The following ENOX2 variants were observed in gnomAD, a reference collection of about 807,000 sequenced individuals.
ENOX2 encodes ecto-NOX disulfide-thiol exchanger 2, also known as APK1 antigen.
In ENOX2, 36 loss-of-function variants were observed where a neutral mutation model predicts 45.0. That is an observed-to-expected ratio of 0.80 (90% CI 0.61 to 1.06). ENOX2 has a LOEUF of 1.06. ENOX2 is among the 50% of genes least tolerant of loss of function. The probability of loss-of-function intolerance (pLI) is 0.00; values close to 1 mark genes in which losing one functional copy is unlikely to be tolerated. For missense variants in ENOX2, 423 were observed against 462.5 expected (o/e 0.91, Z 0.78); for synonymous variants, 174 against 152.3 (o/e 1.14, Z -1.05).
chrX:130,825,367 CG>C (rs760144510), intron 2 of ENOX2, among the ~76,000 whole-genome samples: 4 of 110,949 alleles, frequency 3.6e-5, no homozygotes, highest in African/African-American at 1.3e-4. Context: ...ACACCAACTT[CG>C]GGGGGGTACT....
chrX:130,635,678 T>A (rs1486467593), intron 11 of ENOX2, among the ~76,000 whole-genome samples: 1 of 112,147 alleles, frequency 8.9e-6, no homozygotes, highest in South Asian at 3.8e-4. Flanking sequence ...GTTACTATTA[T>A]CCCTAAGGCT....
chrX:130,647,703 T>A lies in ENOX2; in HGVS notation c.1129+8878A>T, dbSNP rs183932117. 4.3e-3 allele frequency among the ~76,000 whole-genome samples: 481 copies of A among 112,286 alleles called. 3 individuals carry two copies. Among genetic ancestry groups the A allele is most frequent in the African/African-American group, 0.014 (439 of 30,964 alleles). The stretch of plus-strand genomic sequence containing the variant: ...TGAGCAAGGTCTTTTTTATTTATTT[T>A]TTTTTGTTGAAATTATTGACCTGGG... On this transcript the variant is annotated intron_variant, in intron 10 of 14. Coordinates refer to ENST00000394363, the MANE Select transcript of ENOX2 (RefSeq NM_006375.4).
intron 10 of ENOX2, among the ~76,000 whole-genome samples, chrX:130,639,928 C>T (rs755631820): frequency 1.6e-4 from 18 of 111,810 alleles, no homozygotes; most frequent in African/African-American, 5.5e-4. Context: ...AACCAAATAC[C>T]ACAAACTGGG....
chrX:130,689,020 TA>T lies in ENOX2; in HGVS notation c.98-3del. On this transcript the variant is annotated splice_polypyrimidine_tract_variant and splice_region_variant and intron_variant, in intron 4 of 14. Transcript: ENST00000394363. Reference sequence around the variant, plus strand: ...TCATTCCAAGAGCAGGATCAAAGTCTAAAAAAGGAGAAGAGAGAACAATAAA... The same window carrying T: ...TCATTCCAAGAGCAGGATCAAAGTCTAAAAAGGAGAAGAGAGAACAATAAA... The T allele has an allele frequency of 5.0e-6, 6 of 1,199,849 alleles. No individual in the cohort carries two copies. The highest frequency in any genetic ancestry group is 6.8e-6 in the Non-Finnish European group (6 of 887,578).
chrX:130,633,652 C>T (rs1338009486), intron 12 of ENOX2, among the ~76,000 whole-genome samples: 2 of 112,298 alleles, frequency 1.8e-5, no homozygotes, highest in Non-Finnish European at 3.8e-5. Flanking sequence ...AAGCAGAAAG[C>T]TACTTACACA....
intron 2 of ENOX2, among the ~76,000 whole-genome samples, chrX:130,872,926 C>A (rs745915931): frequency 8.9e-6 from 1 of 111,851 alleles, no homozygotes; most frequent in Admixed American, 9.5e-5. Context: ...AATGTAAGAC[C>A]TAAAACCATA....
intron 2 of ENOX2, among the ~76,000 whole-genome samples, chrX:130,791,801 T>A (rs1391511884): frequency 8.9e-6 from 1 of 111,741 alleles, no homozygotes; most frequent in Non-Finnish European, 1.9e-5. Flanking sequence ...CACACTCCAC[T>A]CCTAATGTAT....
Position 130,625,209 on chromosome X carries a change from A to G in ENOX2, c.*105T>C. 1 of 973,672 alleles carries G rather than the reference A, an allele frequency of 1.0e-6. No individual in the cohort carries two copies. Among genetic ancestry groups the G allele is most frequent in the Admixed American group, 2.9e-5 (1 of 34,154 alleles). The allele number at this position is 973,672 out of a possible 1,213,427, so 80.2% of individuals were successfully genotyped here. On this transcript the variant is annotated 3_prime_UTR_variant, in exon 15 of 15. Coordinates refer to ENST00000394363, the MANE Select transcript of ENOX2 (RefSeq NM_006375.4). ...AGATTTTCCAGGAATGAACTGACAA[A>G]TTCAAAGGAACTTCCACTTGAAAAC...
intron 10 of ENOX2, among the ~76,000 whole-genome samples, chrX:130,651,936 T>C (rs926272745): frequency 3.6e-5 from 4 of 111,490 alleles, no homozygotes; most frequent in Non-Finnish European, 7.5e-5. Context: ...TTCTAGCATC[T>C]TCAATCTCAT....
At chrX:130,647,762 A>AT (rs996797496) in intron 10 of ENOX2, among the ~76,000 whole-genome samples, 145 of 107,666 alleles carry the variant, frequency 1.3e-3, no homozygotes, top group Middle Eastern at 4.8e-3. Context: ...AGAATTCAAT[A>AT]TTTTTTTTTT....
At chrX:130,820,086 T>C (rs1051276047) in intron 2 of ENOX2, among the ~76,000 whole-genome samples, 22 of 112,029 alleles carry the variant, frequency 2.0e-4, no homozygotes, top group African/African-American at 7.1e-4. Flanking sequence ...GGAATTACTA[T>C]CCAAAATATG....
intron 2 of ENOX2, among the ~76,000 whole-genome samples, chrX:130,901,074 C>A (rs1402254980): frequency 8.9e-6 from 1 of 112,872 alleles, no homozygotes; most frequent in African/African-American, 3.2e-5. Flanking sequence ...TTTTGGCAGA[C>A]ACAATTAGCT....
At chrX:130,671,154 T>C (rs1459962709) in intron 6 of ENOX2, among the ~76,000 whole-genome samples, 1 of 112,010 alleles carries the variant, frequency 8.9e-6, no homozygotes, top group African/African-American at 3.2e-5. Flanking sequence ...TGCTTTCCTT[T>C]ATTCTAACCT....
intron 2 of ENOX2, among the ~76,000 whole-genome samples, chrX:130,900,333 G>GT (rs1453523139): frequency 8.9e-6 from 1 of 112,498 alleles, no homozygotes; most frequent in African/African-American, 3.2e-5. Flanking sequence ...TCAGTTTTAT[G>GT]TTTTTTAAGA....
At chrX:130,817,627 TA>T (rs1490621064) in intron 2 of ENOX2, among the ~76,000 whole-genome samples, 1 of 112,202 alleles carries the variant, frequency 8.9e-6, no homozygotes, top group African/African-American at 3.3e-5. Context: ...CGCAAATCAA[TA>T]AATGTAATCC....
At chrX:130,818,582 A>G (rs899115900) in intron 2 of ENOX2, among the ~76,000 whole-genome samples, 30 of 111,796 alleles carry the variant, frequency 2.7e-4, no homozygotes, top group African/African-American at 7.8e-4. Flanking sequence ...CAGAGACCTC[A>G]GAAATAATGC....
chrX:130,743,765 C>A (rs1468451433), intron 3 of ENOX2, among the ~76,000 whole-genome samples: 1 of 110,990 alleles, frequency 9.0e-6, no homozygotes, highest in African/African-American at 3.3e-5. Context: ...CAGGTGTGAG[C>A]CACCATGCCC....
At chrX:130,761,347 T>C (rs1034712635) in intron 3 of ENOX2, among the ~76,000 whole-genome samples, 1 of 111,898 alleles carries the variant, frequency 8.9e-6, no homozygotes, top group Non-Finnish European at 1.9e-5. Context: ...ACTTTCTTAA[T>C]AGTTATATGG....
At chrX:130,817,411 C>A (rs1345918932) in intron 2 of ENOX2, among the ~76,000 whole-genome samples, 2 of 112,063 alleles carry the variant, frequency 1.8e-5, no homozygotes, top group African/African-American at 6.5e-5. Context: ...CTCCCTAACT[C>A]ATTTTATGAG....
Sources: gnomAD v4.1 joint callset for allele counts (sites outside exome capture counted in the v4.1 genomes callset) on GRCh38, gnomAD v4.1.1 for gene constraint, MANE v1.5 for transcripts, NCBI Gene and HGNC (gene_info 2026-07-23, HGNC 2026-07-21) for gene names.